TDRD10: variants seen among roughly 807,000 people sequenced by gnomAD.
TDRD10 encodes tudor domain-containing protein 10.
Under a neutral mutation model 48.0 loss-of-function variants are expected in TDRD10, and 40 were observed. That is an observed-to-expected ratio of 0.83 (90% CI 0.65 to 1.09). TDRD10 has a LOEUF of 1.09. Ranked by LOEUF, TDRD10 falls within the 50% of genes least tolerant of loss-of-function variation. The probability of loss-of-function intolerance (pLI) is 0.00; values close to 1 mark genes in which losing one functional copy is unlikely to be tolerated. For synonymous variants in TDRD10, 162 were observed against 170.4 expected (o/e 0.95, Z 0.38); for missense variants, 378 against 434.7 (o/e 0.87, Z 1.16).
chr1:154,515,685 C>T (rs1693723911), intron 4 of TDRD10, among the ~76,000 whole-genome samples: 1 of 152,156 alleles, frequency 6.6e-6, no homozygotes, highest in African/African-American at 2.4e-5. Flanking sequence ...ATACTTTCCA[C>T]CATCGAACTC....
intron 4 of TDRD10, among the ~76,000 whole-genome samples, chr1:154,516,278 C>T (rs1028480660): frequency 5.9e-5 from 9 of 152,030 alleles, no homozygotes; most frequent in African/African-American, 1.9e-4. Context: ...ATTAATATGG[C>T]GAGTTTGTAT....
chr1:154,537,890 GCATGAGGGTGAC>G (rs1276823021), intron 6 of TDRD10, among the ~76,000 whole-genome samples: 1 of 152,196 alleles, frequency 6.6e-6, no homozygotes, highest in Non-Finnish European at 1.5e-5. Flanking sequence ...ATTGATCTGG[GCATGAGGGTGAC>G]CATGCTTGTA....
chr1:154,519,493 G>A (rs753445494), intron 4 of TDRD10, among the ~76,000 whole-genome samples: 1 of 152,160 alleles, frequency 6.6e-6, no homozygotes, highest in Non-Finnish European at 1.5e-5. Flanking sequence ...GTATTGAGGG[G>A]TGCAGGCAGG....
intron 4 of TDRD10, among the ~76,000 whole-genome samples, chr1:154,512,079 A>G (rs1693512625): frequency 6.6e-6 from 1 of 151,924 alleles, no homozygotes; most frequent in African/African-American, 2.4e-5. Context: ...AAGATTGTGC[A>G]GCTATTAATC....
rs1344049220 is a variant in TDRD10 at position 154,544,053 on chromosome 1, G to A, written c.594G>A (p.Leu198=). 1.9e-6 allele frequency: 3 copies of A among 1,614,104 alleles called. No individual in the cohort carries two copies. Among genetic ancestry groups the A allele is most frequent in the Non-Finnish European group, 2.5e-6 (3 of 1,180,044 alleles). ...LIHSVRGEAG[L]LVTSIVPKTP... is the part of the protein sequence containing the mutation. ...ATAGCGTCCGTGGGGAGGCGGGGCT[G>A]CTGGTGACGAGTATCGTCCCGAAGA... is the stretch of plus-strand genomic sequence containing the variant. The change falls in exon 9 of 13, where the codon CTG becomes CTA. Residue 198 remains leucine, a synonymous_variant. Coordinates refer to ENST00000368482, the MANE Select transcript of TDRD10 (RefSeq NM_182499.4).
At chr1:154,537,845 C>T (rs1188985474) in intron 6 of TDRD10, among the ~76,000 whole-genome samples, 2 of 152,140 alleles carry the variant, frequency 1.3e-5, no homozygotes, top group Non-Finnish European at 2.9e-5. Flanking sequence ...TAGAAATGTC[C>T]CAGAACAAAG....
intron 4 of TDRD10, among the ~76,000 whole-genome samples, chr1:154,518,452 G>T (rs986474303): frequency 2.6e-5 from 4 of 151,848 alleles, no homozygotes; most frequent in African/African-American, 9.7e-5. Flanking sequence ...TTTTGAGACG[G>T]AGTCTTGCTC....
At chr1:154,534,309 T>C (rs978942951) in intron 6 of TDRD10, among the ~76,000 whole-genome samples, 1 of 152,004 alleles carries the variant, frequency 6.6e-6, no homozygotes, top group Non-Finnish European at 1.5e-5. Context: ...ATAAACAGGA[T>C]GAAAATGCCT....
chr1:154,513,164 A>G (rs73020246), intron 4 of TDRD10, among the ~76,000 whole-genome samples: 29,230 of 152,152 alleles, frequency 0.19, 3,047 homozygotes, highest in South Asian at 0.23. Flanking sequence ...AGACGGAGCA[A>G]TTTGAGCATC....
chr1:154,543,778 T>A (rs1695384339), intron 8 of TDRD10, among the ~76,000 whole-genome samples, 185 bp from the exon 9 acceptor site: 3 of 152,192 alleles, frequency 2.0e-5, no homozygotes, highest in African/African-American at 7.2e-5. Context: ...TCCTCTGCCG[T>A]GGACTGGGAT....
intron 6 of TDRD10, among the ~76,000 whole-genome samples, chr1:154,539,492 C>CA (rs1240405338): frequency 1.3e-5 from 2 of 152,078 alleles, no homozygotes; most frequent in Non-Finnish European, 1.5e-5. Context: ...TTAGTAGAGA[C>CA]AGAGTTTTTC....
rs188961641 is a variant in TDRD10, at chr1:154,547,305, G to A, written c.953-104G>A. The A allele has an allele frequency of 2.5e-4, 305 of 1,209,678 alleles. No homozygotes were observed. The East Asian group carries it at 2.6e-3, about 10-fold the overall frequency. 74.9% of individuals were successfully genotyped at this position (1,209,678 alleles called of 1,614,324 possible). On this transcript the variant is annotated intron_variant, in intron 11 of 12. Transcript: ENST00000368482. ...GACTTGCTGGTTGGAGCTGGTTGGC[G>A]GCCAGAGCACTTTCCCTGCAGCCCC...
chr1:154,541,010 G>C (rs950097737), intron 6 of TDRD10, among the ~76,000 whole-genome samples: 2 of 152,166 alleles, frequency 1.3e-5, no homozygotes, highest in Non-Finnish European at 1.5e-5. Context: ...GGGGAAGCCT[G>C]AGAGGAGATG....
chr1:154,538,029 C>T (rs900861582), intron 6 of TDRD10, among the ~76,000 whole-genome samples: 1 of 152,084 alleles, frequency 6.6e-6, no homozygotes, highest in African/African-American at 2.4e-5. Context: ...AATTGGAGGT[C>T]TGTGTTTAGG....
In TDRD10 at chr1:154,543,982, C is replaced by G; in HGVS notation, c.523C>G (p.Leu175Val). The change falls in exon 9 of 13, where the codon CTC becomes GTC. Residue 175 changes from leucine (L) to valine (V), a missense_variant. Around this residue, in one of 2 missense-constraint regions of TDRD10, gnomAD observed 310 missense variants for 323.6 expected, o/e 0.96. Coordinates refer to ENST00000368482, the MANE Select transcript of TDRD10 (RefSeq NM_182499.4). ...CCGCAGAGGGTCCTTCCTGGTGCTGCTCCTGAGGGAATGCTTCCGAGACCT... is the reference window on the plus strand; with the variant it reads ...CCGCAGAGGGTCCTTCCTGGTGCTGGTCCTGAGGGAATGCTTCCGAGACCT... ...LEMRGSFLVL[L>V]LRECFRDLSW... 1.9e-6 allele frequency: 3 copies of G among 1,614,148 alleles called. No individual in the cohort carries two copies. The highest frequency in any genetic ancestry group is 2.5e-6 in the Non-Finnish European group (3 of 1,180,006).
chr1:154,515,785 GCTCA>G (rs1414025623), intron 4 of TDRD10, among the ~76,000 whole-genome samples: 2 of 152,128 alleles, frequency 1.3e-5, no homozygotes, highest in Non-Finnish European at 2.9e-5. Flanking sequence ...CATGATCTTT[GCTCA>G]CTGCCACCTC....
intron 6 of TDRD10, among the ~76,000 whole-genome samples, chr1:154,535,381 A>AG (rs902872401): frequency 1.0e-4 from 15 of 150,672 alleles, no homozygotes; most frequent in African/African-American, 2.7e-4. Flanking sequence ...AAAAAAAAAA[A>AG]AGAGAGAGAG....
chr1:154,517,095 G>C (rs1410166817), intron 4 of TDRD10, among the ~76,000 whole-genome samples: 1 of 152,172 alleles, frequency 6.6e-6, no homozygotes, highest in Non-Finnish European at 1.5e-5. Flanking sequence ...AGAACCAGAG[G>C]TGTGAGTGGG....
rs150347352 is a variant in TDRD10 at position 154,541,239 on chromosome 1, G to C, written c.370-785G>C. On this transcript the variant is annotated intron_variant, in intron 6 of 12. Transcript: ENST00000368482. ...AGGGTGAGGGCTTGAGCCAGAGCGGGAGGGAGCAGGTCCATGCAGGGGAGG... is the reference window on the plus strand; with the variant it reads ...AGGGTGAGGGCTTGAGCCAGAGCGGCAGGGAGCAGGTCCATGCAGGGGAGG... Among the ~76,000 whole-genome samples, 1,022 of 151,768 alleles carry C rather than the reference G, an allele frequency of 6.7e-3. 7 individuals carry two copies. Among genetic ancestry groups the C allele is most frequent in the Non-Finnish European group, 0.012 (787 of 67,900 alleles).
Sources: gnomAD v4.1 joint callset for allele counts (sites outside exome capture counted in the v4.1 genomes callset) on GRCh38, gnomAD v4.1.1 for gene constraint, gnomAD v4.1.1 regional missense constraint, MANE v1.5 for transcripts, NCBI Gene and HGNC (gene_info 2026-07-23, HGNC 2026-07-21) for gene names.